The following SBF2 variants were observed in gnomAD, a reference collection of about 807,000 sequenced individuals.
The protein encoded by SBF2 is myotubularin-related protein 13.
A neutral mutation model predicts 225.2 loss-of-function variants in SBF2; 112 were observed. The ratio of observed to expected loss-of-function variants is 0.50; its 90% confidence interval spans 0.43 to 0.58. The LOEUF is 0.58. Ranked by LOEUF, SBF2 falls within the 20% of genes least tolerant of loss-of-function variation. The probability of loss-of-function intolerance (pLI) is 0.00; values close to 1 mark genes in which losing one functional copy is unlikely to be tolerated. For missense variants in SBF2, 1,996 were observed against 2,206.2 expected, an observed-to-expected ratio of 0.90 and a Z score of 1.91; for synonymous variants, 763 against 773.3, an observed-to-expected ratio of 0.99 and a Z score of 0.22.
chr11:9,786,960 C>T (rs187596395), intron 36 of SBF2, among the ~76,000 whole-genome samples: 216 of 152,290 alleles, frequency 1.4e-3, no homozygotes, highest in African/African-American at 4.6e-3. Context: ...GGCACGATCT[C>T]GGCTCACTCA....
intron 35 of SBF2, among the ~76,000 whole-genome samples, chr11:9,788,905 G>A (rs1366778642): frequency 6.6e-6 from 1 of 151,974 alleles, no homozygotes; most frequent in Non-Finnish European, 1.5e-5. Flanking sequence ...GCGCCAGGCT[G>A]GAAAATCACT....
At chr11:9,810,095 GC>G (rs1854094368) in intron 30 of SBF2, among the ~76,000 whole-genome samples, 1 of 152,056 alleles carries the variant, frequency 6.6e-6, no homozygotes, top group Non-Finnish European at 1.5e-5. Flanking sequence ...GGGCAACATG[GC>G]AAAACCCCAT....
intron 2 of SBF2, among the ~76,000 whole-genome samples, chr11:10,188,709 T>C (rs1388705006): frequency 6.6e-6 from 1 of 152,218 alleles, no homozygotes; most frequent in Non-Finnish European, 1.5e-5. Flanking sequence ...TAAAATAATC[T>C]ACTACCTCAC....
chr11:10,137,644 T>C (rs1473432864), intron 2 of SBF2, among the ~76,000 whole-genome samples: 1 of 152,220 alleles, frequency 6.6e-6, no homozygotes, highest in African/African-American at 2.4e-5. Context: ...TTTCCACATT[T>C]ATAAACATTT....
intron 6 of SBF2, among the ~76,000 whole-genome samples, chr11:10,010,094 G>T (rs1288336160): frequency 1.3e-5 from 2 of 152,034 alleles, no homozygotes; most frequent in African/African-American, 4.8e-5. Context: ...TTTTGATGAG[G>T]TTGTTTTTTT....
At chr11:10,253,334 T>A (rs1960554011) in intron 1 of SBF2, among the ~76,000 whole-genome samples, 1 of 152,166 alleles carries the variant, frequency 6.6e-6, no homozygotes, top group Non-Finnish European at 1.5e-5. Context: ...GAGCCACAAC[T>A]TGTTTCTGAA....
chr11:10,098,679 GCACACACACACACACA>G (rs56244507), intron 2 of SBF2, among the ~76,000 whole-genome samples: 240 of 130,902 alleles, frequency 1.8e-3, no homozygotes, highest in Non-Finnish European at 2.9e-3. Flanking sequence ...GACAAAAAAT[GCACACACACACACACA>G]CACACACACA....
intron 16 of SBF2, among the ~76,000 whole-genome samples, chr11:9,917,322 C>T (rs1463158762): frequency 6.6e-6 from 1 of 151,240 alleles, no homozygotes; most frequent in African/African-American, 2.4e-5. Context: ...GGTCCCATTA[C>T]AAGTTTTTTT....
chr11:9,906,938 G>A (rs1862166119), intron 16 of SBF2, among the ~76,000 whole-genome samples: 1 of 151,956 alleles, frequency 6.6e-6, no homozygotes, highest in Admixed American at 6.5e-5. Context: ...TTGAACTGTT[G>A]TTGCCAACAT....
intron 33 of SBF2, among the ~76,000 whole-genome samples, chr11:9,792,335 G>A (rs1010606780): frequency 2.0e-5 from 3 of 151,880 alleles, no homozygotes; most frequent in Admixed American, 2.0e-4. Flanking sequence ...GGAGGCTGAG[G>A]CAGGAGAATC....
At chr11:10,028,622 A>T in intron 5 of SBF2, 65 bp from the exon 6 acceptor site, 1 of 1,053,126 alleles carries the variant, frequency 9.5e-7, no homozygotes, top group Non-Finnish European at 1.5e-6. Flanking sequence ...AAAAATAAAA[A>T]TACCTTCGAT....
At chr11:9,951,191 G>A (rs575750032) in intron 16 of SBF2, among the ~76,000 whole-genome samples, 104 of 152,262 alleles carry the variant, frequency 6.8e-4, no homozygotes, top group African/African-American at 2.4e-3. Flanking sequence ...CCAAACAAAG[G>A]CAATAGATGT....
intron 1 of SBF2, among the ~76,000 whole-genome samples, chr11:10,241,093 G>A (rs1359161887): frequency 3.3e-5 from 5 of 152,202 alleles, no homozygotes; most frequent in Middle Eastern, 3.2e-3. Context: ...GCTCATGCCT[G>A]TAATCCCAGC....
chr11:9,948,411 G>C (rs923125206), intron 16 of SBF2, among the ~76,000 whole-genome samples: 2 of 152,092 alleles, frequency 1.3e-5, no homozygotes, highest in Admixed American at 6.5e-5. Flanking sequence ...GGTTAAAATA[G>C]TAAGTTTAAT....
At chr11:10,259,016 T>C (rs1961171255) in intron 1 of SBF2, among the ~76,000 whole-genome samples, 1 of 152,324 alleles carries the variant, frequency 6.6e-6, no homozygotes, top group Non-Finnish European at 1.5e-5. Flanking sequence ...GAGCTAGTTG[T>C]AGCTCCTGGG....
rs147152207 is a variant in SBF2, at chr11:10,259,131, C to T, written c.55+34884G>A. ...AGTTGTCTTTTCCTTGCAACCAACA[C>T]TATTTAAATTCACACAAGGAGAGTT... On this transcript the variant is annotated intron_variant, in intron 1 of 39. Coordinates refer to ENST00000256190, the MANE Select transcript of SBF2 (RefSeq NM_030962.4). Among the ~76,000 whole-genome samples the T allele has an allele frequency of 2.3e-3, 347 of 152,262 alleles. 1 individual carries two copies. The highest frequency in any genetic ancestry group is 6.8e-3 in the Middle Eastern group (2 of 294).
chr11:9,929,902 C>T (rs545003458), intron 16 of SBF2, among the ~76,000 whole-genome samples: 14 of 152,072 alleles, frequency 9.2e-5, no homozygotes, highest in South Asian at 6.2e-4. Context: ...TTGATTGTAA[C>T]GGTTCCTATT....
At chr11:9,809,220 C>T (rs546251948) in intron 30 of SBF2, 119 of 475,248 alleles carry the variant, frequency 2.5e-4, no homozygotes, top group African/African-American at 1.6e-3. Context: ...AATCCCAGCA[C>T]TTTGGGAGGC....
chr11:9,861,516 T>C (rs1857737150), intron 17 of SBF2, among the ~76,000 whole-genome samples: 1 of 151,906 alleles, frequency 6.6e-6, no homozygotes, highest in South Asian at 2.1e-4. Context: ...ATACAAAAAT[T>C]AGCTGGGTGT....
Sources: allele counts gnomAD v4.1 joint callset (sites outside exome capture counted in the v4.1 genomes callset), GRCh38; gene constraint gnomAD v4.1.1; transcripts MANE v1.5; gene names NCBI Gene and HGNC (gene_info 2026-07-23, HGNC 2026-07-21).